Variants in LRP1B observed in about 807,000 individuals in gnomAD.
LRP1B encodes low-density lipoprotein receptor-related protein 1B.
In LRP1B, 217 loss-of-function variants were observed where a neutral mutation model predicts 556.6. The observed-to-expected ratio is 0.39, with a 90% CI of 0.35 to 0.44. The LOEUF is 0.44. Ranked by LOEUF, LRP1B falls within the 20% of genes least tolerant of loss-of-function variation. The probability of loss-of-function intolerance (pLI) is 1.00; values close to 1 mark genes in which losing one functional copy is unlikely to be tolerated. For missense variants in LRP1B, 5,053 were observed against 5,620.8 expected, an observed-to-expected ratio of 0.90 and a Z score of 3.23; for synonymous variants, 2,047 against 1,865.8, an observed-to-expected ratio of 1.10 and a Z score of -2.50.
chr2:141,397,102 A>G (rs950046247), intron 3 of LRP1B, among the ~76,000 whole-genome samples: 3 of 112,120 alleles, frequency 2.7e-5, no homozygotes, highest in Non-Finnish European at 5.8e-5. Context: ...AACAAGAAGG[A>G]AACTTTGTCT....
At chr2:141,565,748 T>C (rs955107436) in intron 2 of LRP1B, among the ~76,000 whole-genome samples, 2 of 152,238 alleles carry the variant, frequency 1.3e-5, no homozygotes, top group African/African-American at 4.8e-5. Flanking sequence ...CTAAGTTACA[T>C]AATGGTAAGT....
At chr2:140,404,431 C>A (rs1293080220) in intron 66 of LRP1B, among the ~76,000 whole-genome samples, 1 of 151,870 alleles carries the variant, frequency 6.6e-6, no homozygotes, top group Non-Finnish European at 1.5e-5. Flanking sequence ...TTCGGCCTCC[C>A]AATGTGCTGG....
intron 2 of LRP1B, among the ~76,000 whole-genome samples, chr2:141,803,056 C>T (rs769020598): frequency 5.9e-5 from 9 of 151,906 alleles, no homozygotes; most frequent in Admixed American, 6.6e-5. Flanking sequence ...TTTATAGCCC[C>T]GCCTGAGGGA....
At chr2:142,127,294 T>G (rs1211598244) in intron 1 of LRP1B, among the ~76,000 whole-genome samples, 2 of 151,898 alleles carry the variant, frequency 1.3e-5, no homozygotes, top group African/African-American at 4.8e-5. Context: ...TAAAAACATT[T>G]TAAGAAATTA....
At chr2:141,245,000 G>A (rs965898903) in intron 5 of LRP1B, among the ~76,000 whole-genome samples, 3 of 151,994 alleles carry the variant, frequency 2.0e-5, no homozygotes, top group African/African-American at 4.8e-5. Flanking sequence ...TCTTTTTCTG[G>A]TTGCATTCTA....
At chr2:141,407,962 G>T (rs1690701831) in intron 3 of LRP1B, among the ~76,000 whole-genome samples, 1 of 152,058 alleles carries the variant, frequency 6.6e-6, no homozygotes, top group Non-Finnish European at 1.5e-5. Context: ...AGTAATGGCA[G>T]AATATAACAT....
chr2:140,816,869 A>G (rs1038436330), intron 31 of LRP1B, among the ~76,000 whole-genome samples: 2 of 152,062 alleles, frequency 1.3e-5, no homozygotes, highest in Non-Finnish European at 2.9e-5. Flanking sequence ...AAGATTTTTC[A>G]TTTTGTTATT....
At chr2:140,982,065 CAT>C in intron 18 of LRP1B, 93 bp downstream of exon 18, 1 of 963,524 alleles carries the variant, frequency 1.0e-6, no homozygotes, top group South Asian at 1.5e-5. Flanking sequence ...TACCTGTACT[CAT>C]AAAGAAATAA....
At chr2:140,690,345 CG>C (rs1559056844) in intron 41 of LRP1B, among the ~76,000 whole-genome samples, 1 of 151,962 alleles carries the variant, frequency 6.6e-6, no homozygotes, top group African/African-American at 2.4e-5. Flanking sequence ...ATCACTCTTC[CG>C]GGTCTAACCT....
chr2:142,051,651 A>G (rs867139037), intron 1 of LRP1B, among the ~76,000 whole-genome samples: 1 of 151,580 alleles, frequency 6.6e-6, no homozygotes, highest in Non-Finnish European at 1.5e-5. Flanking sequence ...AATTTTTTGT[A>G]TTTTTAGTAG....
At chr2:141,452,647 T>A (rs1681463192) in intron 3 of LRP1B, among the ~76,000 whole-genome samples, 1 of 152,168 alleles carries the variant, frequency 6.6e-6, no homozygotes, top group Admixed American at 6.5e-5. Context: ...TAAAGAAGTT[T>A]CCCAGGTACC....
At chr2:140,593,164 A>T (rs538308) in intron 43 of LRP1B, among the ~76,000 whole-genome samples, 53,287 of 152,032 alleles carry the variant, frequency 0.35, 9,543 homozygotes, top group African/African-American at 0.37. Context: ...ATTCTAAAGA[A>T]AAGTCATAAG....
rs999805339 is a variant in LRP1B, at chr2:140,827,661, T to C, written c.5209+12330A>G. Among the ~76,000 whole-genome samples the C allele has an allele frequency of 6.6e-5, 10 of 152,152 alleles. 1 individual carries two copies. Among genetic ancestry groups the C allele is most frequent in the Middle Eastern group, 3.4e-3 (1 of 294 alleles). ...AGTGTAAATCTAAGAGTTATTAGCATATAAGGGAGTTGAGAAAGAGCAAGG... is the reference window on the plus strand; with the variant it reads ...AGTGTAAATCTAAGAGTTATTAGCACATAAGGGAGTTGAGAAAGAGCAAGG... On this transcript the variant is annotated intron_variant, in intron 31 of 90. Transcript: ENST00000389484.
At chr2:140,633,036 C>A (rs1235928353) in intron 41 of LRP1B, among the ~76,000 whole-genome samples, 2 of 149,000 alleles carry the variant, frequency 1.3e-5, no homozygotes, top group Non-Finnish European at 3.0e-5. Flanking sequence ...GCACTCCAGC[C>A]TGGGTGACAG....
intron 2 of LRP1B, among the ~76,000 whole-genome samples, chr2:141,506,206 CT>C (rs768606163): frequency 2.0e-5 from 3 of 152,130 alleles, no homozygotes; most frequent in South Asian, 4.1e-4. Context: ...AAAAGCAACA[CT>C]TGTGACTCTT....
chr2:142,002,476 C>T (rs1005433140), intron 1 of LRP1B, among the ~76,000 whole-genome samples: 4 of 151,462 alleles, frequency 2.6e-5, no homozygotes, highest in African/African-American at 7.3e-5. Flanking sequence ...AGGATAAGTG[C>T]TGCTAGCCCT....
intron 2 of LRP1B, among the ~76,000 whole-genome samples, chr2:141,798,435 C>T (rs1223499066): frequency 6.6e-6 from 1 of 152,000 alleles, no homozygotes; most frequent in East Asian, 1.9e-4. Context: ...AGGTCAGGCA[C>T]GGTGGCTCAC....
At chr2:140,411,734 A>G (rs1684977056) in intron 66 of LRP1B, among the ~76,000 whole-genome samples, 2 of 150,710 alleles carry the variant, frequency 1.3e-5, no homozygotes, top group African/African-American at 2.4e-5. Context: ...AATAACAACC[A>G]AAATAATAAT....
chr2:140,372,881 C>T, intron 69 of LRP1B, 127 bp downstream of exon 69: 1 of 967,638 alleles, frequency 1.0e-6, no homozygotes, highest in Non-Finnish European at 1.6e-6. Flanking sequence ...CACAGATTTG[C>T]AGACCCTTTC....
Sources: allele counts gnomAD v4.1 joint callset (sites outside exome capture counted in the v4.1 genomes callset), GRCh38; gene constraint gnomAD v4.1.1; transcripts MANE v1.5; gene names NCBI Gene and HGNC (gene_info 2026-07-23, HGNC 2026-07-21).